PRKACB: variants seen among roughly 807,000 people sequenced by gnomAD.
The protein encoded by PRKACB is protein kinase cAMP-activated catalytic subunit beta.
A neutral mutation model predicts 51.4 loss-of-function variants in PRKACB; 16 were observed. That is an observed-to-expected ratio of 0.31 (90% CI 0.21 to 0.47). The LOEUF is 0.47. Ranked by LOEUF, PRKACB falls within the 20% of genes least tolerant of loss-of-function variation. PRKACB has a pLI of 1.00. For synonymous variants in PRKACB, 147 were observed against 154.4 expected (o/e 0.95, Z 0.35); for missense variants, 309 against 464.5 (o/e 0.67, Z 3.08).
At chr1:84,187,337 AC>A (rs1665435838) in intron 5 of PRKACB, among the ~76,000 whole-genome samples, 1 of 152,188 alleles carries the variant, frequency 6.6e-6, no homozygotes, top group African/African-American at 2.4e-5. Context: ...ATTTTAAATT[AC>A]AATATTATTT....
chr1:84,096,419 C>G (rs1481662140), intron 1 of PRKACB, among the ~76,000 whole-genome samples: 1 of 152,106 alleles, frequency 6.6e-6, no homozygotes, highest in Non-Finnish European at 1.5e-5. Flanking sequence ...ATTTTTATTT[C>G]TGGTTTCTTG....
intron 1 of PRKACB, among the ~76,000 whole-genome samples, chr1:84,176,449 C>T (rs1032161584): frequency 2.6e-5 from 4 of 151,624 alleles, no homozygotes; most frequent in Non-Finnish European, 5.9e-5. Context: ...TACACATAAT[C>T]CAATATATTG....
At chr1:84,177,652 G>A (rs568495728) in intron 1 of PRKACB, among the ~76,000 whole-genome samples, 6 of 151,960 alleles carry the variant, frequency 3.9e-5, no homozygotes, top group African/African-American at 9.7e-5. Flanking sequence ...TGAGGCAGAC[G>A]GATTGCTTGA....
chr1:84,200,777 A>G (rs1344527659), intron 7 of PRKACB, among the ~76,000 whole-genome samples: 1 of 152,102 alleles, frequency 6.6e-6, no homozygotes, highest in Non-Finnish European at 1.5e-5. Flanking sequence ...CAGCTTTGTC[A>G]AAGATCGGGT....
intron 1 of PRKACB, among the ~76,000 whole-genome samples, chr1:84,153,438 G>C (rs1655075157): frequency 8.5e-6 from 1 of 117,732 alleles, no homozygotes; most frequent in Non-Finnish European, 2.2e-5. Context: ...AAAATGAGGG[G>C]TGTGCCTGTA....
chr1:84,132,221 T>TA (rs1168262306), intron 1 of PRKACB, among the ~76,000 whole-genome samples: 1 of 152,180 alleles, frequency 6.6e-6, no homozygotes, highest in Non-Finnish European at 1.5e-5. Flanking sequence ...CTTACTACCA[T>TA]ACCAACAGAG....
At chr1:84,158,225 A>G (rs1383142507) in intron 1 of PRKACB, among the ~76,000 whole-genome samples, 1 of 152,078 alleles carries the variant, frequency 6.6e-6, no homozygotes, top group African/African-American at 2.4e-5. Context: ...TTTAGTAGAC[A>G]TGGGGTTTTA....
chr1:84,192,657 C>T (rs1361242427), intron 5 of PRKACB, among the ~76,000 whole-genome samples: 1 of 152,080 alleles, frequency 6.6e-6, no homozygotes, highest in Non-Finnish European at 1.5e-5. Flanking sequence ...TGTAACAAGG[C>T]AATCTCTGAG....
At chr1:84,202,076 A>C (rs1464539149) in intron 7 of PRKACB, among the ~76,000 whole-genome samples, 1 of 152,088 alleles carries the variant, frequency 6.6e-6, no homozygotes, top group Non-Finnish European at 1.5e-5. Flanking sequence ...AAGACAGTAG[A>C]TAGCAGAAGT....
chr1:84,100,117 A>G (rs1054448345), intron 1 of PRKACB, among the ~76,000 whole-genome samples: 1 of 152,210 alleles, frequency 6.6e-6, no homozygotes, highest in African/African-American at 2.4e-5. Context: ...ACTTACATTC[A>G]TGGTAGAAGG....
intron 8 of PRKACB, chr1:84,205,088 A>G (rs1158645688): frequency 1.0e-6 from 1 of 981,854 alleles, no homozygotes; most frequent in Non-Finnish European, 1.2e-6. Flanking sequence ...GAAATATGAC[A>G]GGATATTTGG....
intron 9 of PRKACB, among the ~76,000 whole-genome samples, chr1:84,216,577 T>C (rs965559991): frequency 5.9e-5 from 9 of 152,158 alleles, no homozygotes; most frequent in African/African-American, 2.2e-4. Context: ...TAGATTTAGA[T>C]CTCATAAAAA....
At chr1:84,121,789 G>A (rs969089134) in intron 1 of PRKACB, among the ~76,000 whole-genome samples, 1 of 152,056 alleles carries the variant, frequency 6.6e-6, no homozygotes, top group Non-Finnish European at 1.5e-5. Context: ...TCAGATTTCA[G>A]TTCTCTTTGT....
chr1:84,216,089 T>C (rs1218452967), intron 9 of PRKACB, among the ~76,000 whole-genome samples: 3 of 152,192 alleles, frequency 2.0e-5, no homozygotes, highest in African/African-American at 7.2e-5. Flanking sequence ...ATCCTAACAC[T>C]TTGGGAGGCC....
chr1:84,207,880 T>C (rs778791510), intron 8 of PRKACB, among the ~76,000 whole-genome samples: 9 of 152,204 alleles, frequency 5.9e-5, no homozygotes, highest in Non-Finnish European at 1.3e-4. Context: ...TATTTTTTAC[T>C]TTTTTGAGAT....
chr1:84,105,971 C>G (rs985018571), intron 1 of PRKACB, among the ~76,000 whole-genome samples: 13 of 141,038 alleles, frequency 9.2e-5, no homozygotes, highest in African/African-American at 3.4e-4. Context: ...GTTGAATCAA[C>G]AAAACAATAA....
At chr1:84,085,768 T>G in intron 1 of PRKACB, 1 of 319,580 alleles carries the variant, frequency 3.1e-6, no homozygotes, top group Non-Finnish European at 5.9e-6. Flanking sequence ...CCTGAGGAGG[T>G]TCCTGGCCTC....
intron 5 of PRKACB, among the ~76,000 whole-genome samples, chr1:84,191,458 T>A (rs1036530839): frequency 1.3e-5 from 2 of 152,000 alleles, no homozygotes; most frequent in African/African-American, 2.4e-5. Flanking sequence ...TGCCTTCAAG[T>A]TAAATGTGGT....
chr1:84,229,017 G>A (rs1025121594), intron 9 of PRKACB, among the ~76,000 whole-genome samples: 1 of 148,884 alleles, frequency 6.7e-6, no homozygotes, highest in African/African-American at 2.5e-5. Flanking sequence ...TGCCATGCTG[G>A]TGCGCTGCAC....
Sources: gnomAD v4.1 joint callset for allele counts (sites outside exome capture counted in the v4.1 genomes callset) on GRCh38, gnomAD v4.1.1 for gene constraint, MANE v1.5 for transcripts, NCBI Gene and HGNC (gene_info 2026-07-23, HGNC 2026-07-21) for gene names.